RSU1: variants seen among roughly 807,000 people sequenced by gnomAD.
RSU1 encodes the protein rsu-1.
RSU1 carries 26 observed loss-of-function variants against 31.1 expected under a neutral mutation model. The observed-to-expected ratio is 0.84, with a 90% CI of 0.61 to 1.16. RSU1 has a LOEUF of 1.16. Among genes scored for constraint, RSU1 ranks in the 50% most tolerant of loss-of-function variants. The probability of loss-of-function intolerance (pLI) is 0.00; values close to 1 mark genes in which losing one functional copy is unlikely to be tolerated. For missense variants in RSU1, 320 were observed against 339.1 expected (o/e 0.94, Z 0.44); for synonymous variants, 164 against 136.3 (o/e 1.20, Z -1.41).
chr10:16,728,174 A>T (rs1836435148), intron 7 of RSU1, among the ~76,000 whole-genome samples: 1 of 152,202 alleles, frequency 6.6e-6, no homozygotes, highest in Non-Finnish European at 1.5e-5. Flanking sequence ...GGTATAAAAT[A>T]ATGAGCGAGT....
intron 8 of RSU1, among the ~76,000 whole-genome samples, chr10:16,693,087 T>C (rs991805647): frequency 9.2e-5 from 14 of 152,172 alleles, no homozygotes; most frequent in African/African-American, 3.4e-4. Context: ...CTCAGCCTCC[T>C]GAATAGCTAG....
intron 2 of RSU1, among the ~76,000 whole-genome samples, chr10:16,810,272 T>C (rs1471685919): frequency 6.6e-6 from 1 of 152,070 alleles, no homozygotes; most frequent in East Asian, 1.9e-4. Flanking sequence ...AAAAATTCAA[T>C]GTAAACTCCC....
chr10:16,800,065 A>G (rs1430157318), intron 2 of RSU1, among the ~76,000 whole-genome samples: 1 of 152,152 alleles, frequency 6.6e-6, no homozygotes, highest in African/African-American at 2.4e-5. Context: ...AGGGGAGGAA[A>G]ACACAAGGAA....
At chr10:16,811,523 G>C (rs1838408915) in intron 2 of RSU1, among the ~76,000 whole-genome samples, 1 of 152,060 alleles carries the variant, frequency 6.6e-6, no homozygotes, top group Non-Finnish European at 1.5e-5. Flanking sequence ...ACAGCTAGTA[G>C]CAAACAAAAA....
chr10:16,702,962 G>C (rs755474068), intron 7 of RSU1, among the ~76,000 whole-genome samples: 20 of 152,326 alleles, frequency 1.3e-4, no homozygotes, highest in Middle Eastern at 3.4e-3. Flanking sequence ...GATCATAAGA[G>C]TAATCCTTCA....
At chr10:16,656,609 G>A (rs1172506952) in intron 8 of RSU1, among the ~76,000 whole-genome samples, 3 of 152,144 alleles carry the variant, frequency 2.0e-5, no homozygotes, top group African/African-American at 7.2e-5. Flanking sequence ...AGTTAGCTTC[G>A]CTATTCCTTT....
At chr10:16,603,740 C>T (rs758683117) in intron 8 of RSU1, among the ~76,000 whole-genome samples, 1 of 152,126 alleles carries the variant, frequency 6.6e-6, no homozygotes, top group African/African-American at 2.4e-5. Context: ...GACTTCATAC[C>T]TGGAGTGGAT....
At position 16,689,917 on chromosome 10, in the gene RSU1, A is replaced by G. The variant is rs144627254; in HGVS notation, c.731+5106T>C. Among the ~76,000 whole-genome samples, 648 of 152,368 alleles carry G rather than the reference A, an allele frequency of 4.3e-3. 2 individuals are homozygous for G. Among genetic ancestry groups the G allele is most frequent in the Middle Eastern group, 0.01 (3 of 294 alleles). On this transcript the variant is annotated intron_variant, in intron 8 of 8. Transcript: ENST00000345264. ...CCATGCTTGGCAAATTGCAGTTTTC[A>G]TGATGACGCCTGTTTGCCAAATACC...
intron 8 of RSU1, among the ~76,000 whole-genome samples, chr10:16,621,692 C>T (rs1190314034): frequency 6.6e-6 from 1 of 152,112 alleles, no homozygotes; most frequent in East Asian, 1.9e-4. Flanking sequence ...GGGAACCCCT[C>T]TTTATAAAAC....
At chr10:16,777,229 G>A (rs1177107102) in intron 3 of RSU1, among the ~76,000 whole-genome samples, 1 of 151,442 alleles carries the variant, frequency 6.6e-6, no homozygotes, top group African/African-American at 2.4e-5. Context: ...ATTAAAATCT[G>A]GTTACATAAA....
chr10:16,815,669 C>T (rs1838513450), intron 2 of RSU1, among the ~76,000 whole-genome samples: 1 of 152,230 alleles, frequency 6.6e-6, no homozygotes, highest in Middle Eastern at 3.4e-3. Flanking sequence ...AGAAGAGAGA[C>T]TTCTAGATTA....
At chr10:16,805,732 C>T (rs1255084398) in intron 2 of RSU1, among the ~76,000 whole-genome samples, 1 of 145,242 alleles carries the variant, frequency 6.9e-6, no homozygotes, top group Non-Finnish European at 1.5e-5. Flanking sequence ...ATGCATAAGA[C>T]AACTGTTTTT....
intron 2 of RSU1, among the ~76,000 whole-genome samples, chr10:16,802,559 T>C (rs1439202679): frequency 1.3e-5 from 2 of 152,096 alleles, no homozygotes; most frequent in Non-Finnish European, 2.9e-5. Flanking sequence ...AAGAGAACAA[T>C]TTCTAACTCA....
At chr10:16,664,249 T>C (rs946648349) in intron 8 of RSU1, among the ~76,000 whole-genome samples, 2 of 152,240 alleles carry the variant, frequency 1.3e-5, no homozygotes, top group Non-Finnish European at 2.9e-5. Flanking sequence ...TTCCATTTTC[T>C]GTACCCATAC....
intron 2 of RSU1, among the ~76,000 whole-genome samples, chr10:16,811,882 C>T (rs1024481867): frequency 5.9e-5 from 9 of 152,130 alleles, no homozygotes; most frequent in Non-Finnish European, 1.2e-4. Context: ...TTCCCAAGTA[C>T]TATGCCAAGT....
At chr10:16,746,993 AAG>A (rs1390579832) in intron 7 of RSU1, among the ~76,000 whole-genome samples, 1 of 152,070 alleles carries the variant, frequency 6.6e-6, no homozygotes, top group African/African-American at 2.4e-5. Flanking sequence ...TGTCAGGAAA[AAG>A]AGAATAATCC....
chr10:16,634,719 G>A (rs897052999), intron 8 of RSU1, among the ~76,000 whole-genome samples: 1 of 152,138 alleles, frequency 6.6e-6, no homozygotes, highest in Non-Finnish European at 1.5e-5. Context: ...AGAATGTGGG[G>A]TCTGGAAGGG....
chr10:16,731,887 A>G (rs1337937276), intron 7 of RSU1, among the ~76,000 whole-genome samples: 6 of 152,104 alleles, frequency 3.9e-5, no homozygotes, highest in Admixed American at 6.5e-5. Flanking sequence ...GGTTAAGATA[A>G]GCCGATATTG....
chr10:16,757,900 T>G (rs2131625262), intron 4 of RSU1, among the ~76,000 whole-genome samples: 1 of 152,294 alleles, frequency 6.6e-6, no homozygotes, highest in Non-Finnish European at 1.5e-5. Flanking sequence ...TAAATACACT[T>G]TTGCAATATT....
Sources: allele counts gnomAD v4.1 joint callset (sites outside exome capture counted in the v4.1 genomes callset), GRCh38; gene constraint gnomAD v4.1.1; transcripts MANE v1.5; gene names NCBI Gene and HGNC (gene_info 2026-07-23, HGNC 2026-07-21).